The following RIC1 variants were observed in gnomAD, a reference collection of about 807,000 sequenced individuals.
The protein encoded by RIC1 is RIC1 partner of RAB6A GEF complex, also known as guanine nucleotide exchange factor subunit RIC1.
In RIC1, 88 loss-of-function variants were observed where a neutral mutation model predicts 169.0. The observed-to-expected ratio is 0.52, with a 90% CI of 0.44 to 0.62. The LOEUF (loss-of-function observed/expected upper bound fraction) is 0.62, where lower values mean the gene tolerates loss of function less well. Among genes scored for constraint, RIC1 ranks in the 20% least tolerant of loss-of-function variants. The pLI, the probability that RIC1 is intolerant of heterozygous loss-of-function variation, is 0.00. For missense variants in RIC1, 1,877 were observed against 1,725.5 expected (o/e 1.09, Z -1.56); for synonymous variants, 790 against 601.5 (o/e 1.31, Z -4.59).
At chr9:5,758,901 C>T (rs909632824) in intron 17 of RIC1, among the ~76,000 whole-genome samples, 4 of 151,906 alleles carry the variant, frequency 2.6e-5, no homozygotes, top group Non-Finnish European at 4.4e-5. Flanking sequence ...CACGCCACCA[C>T]GCCCAGCTAA....
chr9:5,665,990 A>C (rs149557034), intron 2 of RIC1, among the ~76,000 whole-genome samples: 1 of 152,124 alleles, frequency 6.6e-6, no homozygotes, highest in African/African-American at 2.4e-5. Context: ...CAGCCCCCCA[A>C]TTGGTATGGG....
chr9:5,770,743 CTA>C (rs1827158287), intron 23 of RIC1, among the ~76,000 whole-genome samples: 1 of 152,062 alleles, frequency 6.6e-6, no homozygotes, highest in Non-Finnish European at 1.5e-5. Context: ...TTTTCTCTTG[CTA>C]TATAAGTTCC....
chr9:5,763,819 T>A lies in RIC1; in HGVS notation c.2792T>A (p.Leu931Ter). 6.2e-7 allele frequency: 1 copy of A among 1,614,192 alleles called. No homozygotes were observed. Among genetic ancestry groups the A allele is most frequent in the Non-Finnish European group, 8.5e-7 (1 of 1,180,010 alleles). The stretch of plus-strand genomic sequence containing the variant: ...CCTAAGGACTTGTTTGAGGAGTGTT[T>A]GATGGCTCAGGATTTGGACACAGCT... ...GNPKDLFEECLMAQDLDTAAS... is the reference protein window; with the variant it reads ...GNPKDLFEEC Residue 931 changes from leucine (L) to a stop codon, truncating the protein, a stop_gained, in exon 19 of 26, where the codon TTG (leucine) becomes TAG (stop). Coordinates refer to ENST00000414202, the MANE Select transcript of RIC1 (RefSeq NM_020829.4). LOFTEE classifies it high-confidence loss of function. The surrounding 1 kb of genome is among the most constrained non-coding windows in gnomAD (Gnocchi z 5.2).
chr9:5,770,264 C>T lies in RIC1; in HGVS notation c.3602C>T (p.Pro1201Leu). The change falls in exon 23 of 26, where the codon CCT becomes CTT. Residue 1201 changes from proline to leucine, a missense_variant. This residue lies in a region of RIC1 where 681 missense variants were observed against 582.0 expected (regional missense o/e 1.17). Transcript: ENST00000414202. ...GPQMQDAFLS[P>L]LSNKGDECSI... ...CAAATGCAAGATGCCTTCTTGTCAC[C>T]TTTATCTAATAAAGGTAAATGTAAT... is the stretch of plus-strand genomic sequence containing the variant. The T allele has an allele frequency of 6.2e-7, 1 of 1,612,884 alleles. No individual in the cohort carries two copies. The highest frequency in any genetic ancestry group is 8.5e-7 in the Non-Finnish European group (1 of 1,179,374).
chr9:5,689,158 C>G lies in RIC1; in HGVS notation c.253-801C>G, dbSNP rs532107907. The stretch of plus-strand genomic sequence containing the variant: ...CCGCCTTCTGGGTTCACGCCATTCT[C>G]CTGCCTCAGCCTCCTGAGTAGCTGG... On this transcript the variant is annotated intron_variant, in intron 2 of 25. Transcript: ENST00000414202. Among the ~76,000 whole-genome samples the G allele has an allele frequency of 3.1e-4, 45 of 146,738 alleles. 1 individual carries two copies. In the East Asian group the frequency reaches 4.9e-3, roughly 16 times the overall value.
chr9:5,772,360 T>C (rs189021151), intron 23 of RIC1, among the ~76,000 whole-genome samples: 2 of 152,354 alleles, frequency 1.3e-5, no homozygotes, highest in African/African-American at 2.4e-5. Flanking sequence ...AGTATATTTT[T>C]CCATCTAAAG....
At chr9:5,668,544 C>T (rs1347522255) in intron 2 of RIC1, among the ~76,000 whole-genome samples, 1 of 152,146 alleles carries the variant, frequency 6.6e-6, no homozygotes, top group Non-Finnish European at 1.5e-5. Flanking sequence ...AATGGTGCCC[C>T]ACAGGTCCCC....
At chr9:5,630,359 C>T (rs949903469) in intron 1 of RIC1, among the ~76,000 whole-genome samples, 1 of 152,184 alleles carries the variant, frequency 6.6e-6, no homozygotes, top group African/African-American at 2.4e-5. Flanking sequence ...AAGGCAGTAC[C>T]AATCGATGTC....
rs770564381 is a variant in RIC1, at chr9:5,765,818, T to C, written c.3137+20T>C. On this transcript the variant is annotated intron_variant, in intron 21 of 25. Transcript: ENST00000414202. ...AAAAAGGTAAAATAATAAAGAGCCA[T>C]TACTGCTTTTTGGGCATTCATGACA... The C allele has an allele frequency of 9.9e-6, 16 of 1,613,014 alleles. No homozygotes were observed. The Admixed American group carries it at 2.2e-4, about 22-fold the overall frequency.
rs1268572930 is a variant in RIC1, at chr9:5,753,345, G to C, written c.1491+107G>C. The C allele has an allele frequency of 4.8e-6, 5 of 1,045,844 alleles. No individual in the cohort carries two copies. The East Asian group carries it at 9.5e-5, about 20-fold the overall frequency. 64.8% of individuals were successfully genotyped at this position (1,045,844 alleles called of 1,614,324 possible). A position where few individuals can be genotyped will look rare whatever the true frequency, so the allele number is the denominator to read the frequency against. ...GTGTACTGAGAAAAATAAAACTCTT[G>C]ATCTATTGTAACATTGCTAGTATAT... is the stretch of plus-strand genomic sequence containing the variant. On this transcript the variant is annotated intron_variant, in intron 13 of 25. Coordinates refer to ENST00000414202, the MANE Select transcript of RIC1 (RefSeq NM_020829.4).
chr9:5,687,974 CATT>C (rs1821354619), intron 2 of RIC1, among the ~76,000 whole-genome samples: 2 of 152,012 alleles, frequency 1.3e-5, no homozygotes, highest in African/African-American at 4.8e-5. Context: ...CTTTTCTGAT[CATT>C]GTCTAACCTG....
At chr9:5,689,634 G>T (rs1336597792) in intron 2 of RIC1, among the ~76,000 whole-genome samples, 1 of 152,170 alleles carries the variant, frequency 6.6e-6, no homozygotes, top group Non-Finnish European at 1.5e-5. Flanking sequence ...TGCCATATTA[G>T]TGCAGAGTTC....
At chr9:5,635,424 G>A (rs1026880259) in intron 1 of RIC1, among the ~76,000 whole-genome samples, 1 of 152,158 alleles carries the variant, frequency 6.6e-6, no homozygotes, top group African/African-American at 2.4e-5. Context: ...ACACTATGGT[G>A]TTGAAAAGTC....
At chr9:5,681,904 A>G (rs918658974) in intron 2 of RIC1, among the ~76,000 whole-genome samples, 7 of 152,160 alleles carry the variant, frequency 4.6e-5, no homozygotes, top group African/African-American at 1.4e-4. Context: ...TCCCTTTACC[A>G]TTATGTAATG....
intron 2 of RIC1, among the ~76,000 whole-genome samples, chr9:5,686,491 A>T (rs868804647): frequency 7.2e-5 from 11 of 152,154 alleles, no homozygotes; most frequent in Admixed American, 2.6e-4. Flanking sequence ...CATGGATGAA[A>T]TTGGAAATCA....
chr9:5,743,327 G>A (rs1825188549), intron 9 of RIC1, among the ~76,000 whole-genome samples: 1 of 152,140 alleles, frequency 6.6e-6, no homozygotes, highest in African/African-American at 2.4e-5. Flanking sequence ...GGTAAGGCAT[G>A]TACATAAATA....
chr9:5,769,544 CT>C (rs1411757279), intron 22 of RIC1: 43 of 1,055,446 alleles, frequency 4.1e-5, no homozygotes, highest in Non-Finnish European at 5.3e-5. Flanking sequence ...AGCTACCATG[CT>C]TATGTTATTG....
At chr9:5,658,177 T>C (rs939820662) in intron 2 of RIC1, among the ~76,000 whole-genome samples, 1 of 152,014 alleles carries the variant, frequency 6.6e-6, no homozygotes, top group Admixed American at 6.6e-5. Flanking sequence ...ACAAAAAGAC[T>C]TTGTTTTGTT....
intron 2 of RIC1, among the ~76,000 whole-genome samples, chr9:5,673,858 C>G (rs1383034032): frequency 6.6e-6 from 1 of 151,822 alleles, no homozygotes; most frequent in Non-Finnish European, 1.5e-5. Context: ...CATTTAAAAT[C>G]AAGTTACAGA....
Sources: allele counts gnomAD v4.1 joint callset (sites outside exome capture counted in the v4.1 genomes callset), GRCh38; gene constraint gnomAD v4.1.1; regional missense constraint gnomAD v4.1.1; non-coding constraint Gnocchi (gnomAD v3.1); transcripts MANE v1.5; gene names NCBI Gene and HGNC (gene_info 2026-07-23, HGNC 2026-07-21).